CLCN1: variants seen among roughly 807,000 people sequenced by gnomAD.
CLCN1 encodes the protein chloride voltage-gated channel 1, also known as chloride channel protein 1.
In CLCN1, 100 loss-of-function variants were observed where a neutral mutation model predicts 114.5. That is an observed-to-expected ratio of 0.87 (90% CI 0.74 to 1.03). The LOEUF (loss-of-function observed/expected upper bound fraction) is 1.03, where lower values mean the gene tolerates loss of function less well. Ranked by LOEUF, CLCN1 falls within the 50% of genes least tolerant of loss-of-function variation. The pLI is 0.00. For missense variants in CLCN1, 1,188 were observed against 1,250.0 expected, an observed-to-expected ratio of 0.95 and a Z score of 0.75; for synonymous variants, 485 against 487.1, an observed-to-expected ratio of 1.00 and a Z score of 0.06.
At chr7:143,337,183 G>T (rs893129673) in intron 12 of CLCN1, among the ~76,000 whole-genome samples, 3 of 152,108 alleles carry the variant, frequency 2.0e-5, no homozygotes, top group Non-Finnish European at 2.9e-5. Context: ...TTCCTCCTTT[G>T]CATGAATACT....
At chr7:143,320,631 T>A in intron 2 of CLCN1, 33 bp from the exon 3 acceptor site, 1 of 1,597,858 alleles carries the variant, frequency 6.3e-7, no homozygotes, top group Non-Finnish European at 8.6e-7. Flanking sequence ...GTTTGTTGTT[T>A]GTTTGTTTGT....
rs202217420 is a variant in CLCN1, at chr7:143,316,395, A to G, written c.180+3A>G. Reference sequence around the variant, plus strand: ...GCCACAACGTCCACCCCACACAGGTAAAGTGCTCTAAGGGGAGAGGGGAGC... The same window carrying G: ...GCCACAACGTCCACCCCACACAGGTGAAGTGCTCTAAGGGGAGAGGGGAGC... On this transcript the variant is annotated splice_donor_region_variant and intron_variant, in intron 1 of 22. Transcript: ENST00000343257. 1 of 1,612,168 alleles carries G rather than the reference A, an allele frequency of 6.2e-7. No homozygotes were observed. The highest frequency in any genetic ancestry group is 8.5e-7 in the Non-Finnish European group (1 of 1,179,906).
chr7:143,344,531 C>T (rs1428807421), intron 16 of CLCN1, among the ~76,000 whole-genome samples: 3 of 152,160 alleles, frequency 2.0e-5, no homozygotes, highest in African/African-American at 7.2e-5. Flanking sequence ...CCACGTTCTA[C>T]AGCAGAGGCT....
chr7:143,317,244 CT>C (rs1207676166), intron 1 of CLCN1, among the ~76,000 whole-genome samples: 322 of 113,774 alleles, frequency 2.8e-3, no homozygotes, highest in Middle Eastern at 0.011. Context: ...TTGGCCAGAA[CT>C]TTTTTTTTTT....
At position 143,331,049 on chromosome 7, in the gene CLCN1, A is replaced by G. The variant is rs75664188; in HGVS notation, c.979+152A>G. On this transcript the variant is annotated intron_variant, in intron 8 of 22. Coordinates refer to ENST00000343257, the MANE Select transcript of CLCN1 (RefSeq NM_000083.3). ...AGGCCCAAGGGTGTATGACAAAGAT[A>G]TAGGTCATGGAGTGGGAGAGTATAT... 1,833 of 1,245,728 alleles carry G rather than the reference A, an allele frequency of 1.5e-3. 12 individuals carry two copies. The highest frequency in any genetic ancestry group is 9.4e-3 in the Middle Eastern group (49 of 5,232). The allele number at this position is 1,245,728 out of a possible 1,614,324, so 77.2% of individuals were successfully genotyped here. A position where few individuals can be genotyped will look rare whatever the true frequency, so the allele number is the denominator to read the frequency against.
intron 14 of CLCN1, 83 bp from the exon 15 acceptor site, chr7:143,341,846 T>C (rs1803084704): frequency 9.4e-7 from 1 of 1,067,612 alleles, no homozygotes; most frequent in Non-Finnish European, 1.4e-6. Context: ...TCTCATTCCG[T>C]GTTATTCCCA....
At chr7:143,331,462 G>A (rs1563079129) in intron 9 of CLCN1, 89 bp from the exon 10 acceptor site, 3 of 1,143,504 alleles carry the variant, frequency 2.6e-6, no homozygotes, top group East Asian at 4.7e-5. Flanking sequence ...AAAGGCAGAA[G>A]CCTGGTATTT....
chr7:143,321,410 A>G lies in CLCN1; in HGVS notation c.479A>G (p.Gln160Arg), dbSNP rs1802428614. Residue 160 changes from glutamine (Q) to arginine (R), a missense_variant, in exon 4 of 23, where the codon CAG becomes CGG. Gln to Arg is a conservative substitution (Grantham distance 43). Transcript: ENST00000343257. The surrounding 1 kb of genome is among the most constrained non-coding windows in gnomAD (Gnocchi z 4.2). ...CAGATGCAGCCCAGCCTTCCTCTGC[A>G]GTTCCTGGTCTGGGTCACCTTCCCA... ...YAQMQPSLPL[Q>R]FLVWVTFPLV... 1 of 1,614,168 alleles carries G rather than the reference A, an allele frequency of 6.2e-7. No individual in the cohort carries two copies. The highest frequency in any genetic ancestry group is 1.3e-5 in the African/African-American group (1 of 75,034).
At position 143,317,579 on chromosome 7, in the gene CLCN1, C is replaced by CT. The variant is rs201421922; in HGVS notation, c.180+1201dup. 2.6e-3 allele frequency among the ~76,000 whole-genome samples: 364 copies of CT among 142,396 alleles called. 3 individuals carry two copies. The highest frequency in any genetic ancestry group is 0.025 in the East Asian group (126 of 4,966). 93.4% of individuals were successfully genotyped at this position (142,396 alleles called of 152,430 possible). On this transcript the variant is annotated intron_variant, in intron 1 of 22. Transcript: ENST00000343257. ...GAACTTAAAAGGCTTTTTTTTCTTT[C>CT]TTTTTTTTTTTTTTAACAGGGAGCC...
chr7:143,350,669 T>C lies in CLCN1; in HGVS notation c.2595+15T>C. 6.2e-7 allele frequency: 1 copy of C among 1,605,518 alleles called. No homozygotes were observed. The highest frequency in any genetic ancestry group is 1.1e-5 in the South Asian group (1 of 90,862). On this transcript the variant is annotated intron_variant, in intron 22 of 22. Transcript: ENST00000343257. This position sits in a 1 kb window ranked among gnomAD's most constrained non-coding sequence, Gnocchi z 5.1. ...CCCTGGAGGAGGTAATCACGATGTGTCCCATTTGAGCAGCAGGAGGGAGGC... is the reference window on the plus strand; with the variant it reads ...CCCTGGAGGAGGTAATCACGATGTGCCCCATTTGAGCAGCAGGAGGGAGGC...
rs527683836 is a variant in CLCN1 at position 143,338,719 on chromosome 7, G to A, written c.1402-534G>A. Among the ~76,000 whole-genome samples the A allele has an allele frequency of 8.6e-5, 13 of 151,878 alleles. 1 individual carries two copies. The highest frequency in any genetic ancestry group is 2.1e-4 in the South Asian group (1 of 4,804). The stretch of plus-strand genomic sequence containing the variant: ...GGAAAATAGCTTGGACTTCAGAGGC[G>A]GAGGTTGCAGTGAGCCAAGATCATG... On this transcript the variant is annotated intron_variant, in intron 12 of 22. Transcript: ENST00000343257.
At chr7:143,326,850 A>T (rs1802587514) in intron 7 of CLCN1, among the ~76,000 whole-genome samples, 1 of 152,222 alleles carries the variant, frequency 6.6e-6, no homozygotes, top group Admixed American at 6.5e-5. Context: ...CTAGACTAGG[A>T]TTTGCACGAA....
chr7:143,339,343 T>A lies in CLCN1; in HGVS notation c.1471+21T>A, dbSNP rs1434063889. The A allele has an allele frequency of 3.1e-6, 5 of 1,590,082 alleles. No individual in the cohort carries two copies. The highest frequency in any genetic ancestry group is 4.3e-6 in the Non-Finnish European group (5 of 1,158,236). On this transcript the variant is annotated intron_variant, in intron 13 of 22. Coordinates refer to ENST00000343257, the MANE Select transcript of CLCN1 (RefSeq NM_000083.3). This position sits in a 1 kb window ranked among gnomAD's most constrained non-coding sequence, Gnocchi z 4.1. ...GCTAGGTAAGTTCTGATGGGAAGCC[T>A]GGGGTCTGACTGAGAGTTGCAATCT...
chr7:143,324,373 C>T lies in CLCN1; in HGVS notation c.775-41C>T. On this transcript the variant is annotated intron_variant, in intron 6 of 22. Coordinates refer to ENST00000343257, the MANE Select transcript of CLCN1 (RefSeq NM_000083.3). The surrounding 1 kb of genome is among the most constrained non-coding windows in gnomAD (Gnocchi z 4.6). Reference sequence around the variant, plus strand: ...TTCTGTCCTCTGCCTGCCCACCTCCCTCTCTTCCACCTGTTTCTCTGTCTG... The same window carrying T: ...TTCTGTCCTCTGCCTGCCCACCTCCTTCTCTTCCACCTGTTTCTCTGTCTG... 6.7e-7 allele frequency: 1 copy of T among 1,490,380 alleles called. No homozygotes were observed. The highest frequency in any genetic ancestry group is 9.4e-7 in the Non-Finnish European group (1 of 1,067,964). The allele number at this position is 1,490,380 out of a possible 1,614,324, so 92.3% of individuals were successfully genotyped here. A position where few individuals can be genotyped will look rare whatever the true frequency, so the allele number is the denominator to read the frequency against.
chr7:143,342,282 G>T (rs1344208593), intron 15 of CLCN1, 90 bp from the exon 16 acceptor site: 1 of 1,533,054 alleles, frequency 6.5e-7, no homozygotes. Flanking sequence ...TAGATATTGT[G>T]AGTGACTGAA....
Position 143,342,528 on chromosome 7 carries a change from A to C in CLCN1, c.1930+23A>C, listed in dbSNP as rs1803114147. 5 of 1,613,308 alleles carry C rather than the reference A, an allele frequency of 3.1e-6. No homozygotes were observed. In the African/African-American group the frequency reaches 5.3e-5, roughly 17 times the overall value. On this transcript the variant is annotated intron_variant, in intron 16 of 22. Coordinates refer to ENST00000343257, the MANE Select transcript of CLCN1 (RefSeq NM_000083.3). ...AAGGTCAGTGGGGAGGAAGAAGTCG[A>C]CTCCAGAGCTAGTGACCTGAATAAG...
chr7:143,336,863 C>T (rs1187576289), intron 12 of CLCN1, among the ~76,000 whole-genome samples: 1 of 152,164 alleles, frequency 6.6e-6, no homozygotes, highest in East Asian at 1.9e-4. Flanking sequence ...ATCTAAAATA[C>T]ATCTTCTGAA....
intron 20 of CLCN1, among the ~76,000 whole-genome samples, chr7:143,349,574 CAA>C (rs1417967893): frequency 5.9e-5 from 9 of 152,152 alleles, no homozygotes; most frequent in African/African-American, 2.2e-4. Flanking sequence ...TATCTAAAGT[CAA>C]GAGGATGGTT....
At chr7:143,328,776 C>G (rs949608017) in intron 7 of CLCN1, among the ~76,000 whole-genome samples, 2 of 152,052 alleles carry the variant, frequency 1.3e-5, no homozygotes, top group Non-Finnish European at 1.5e-5. Flanking sequence ...GGGTGATTGG[C>G]CAAGCAAGCT....
Sources: gnomAD v4.1 joint callset for allele counts (sites outside exome capture counted in the v4.1 genomes callset) on GRCh38, gnomAD v4.1.1 for gene constraint, Gnocchi (gnomAD v3.1) non-coding constraint, MANE v1.5 for transcripts, NCBI Gene and HGNC (gene_info 2026-07-23, HGNC 2026-07-21) for gene names.